Variants in RAB3IP observed in about 807,000 individuals in gnomAD.
RAB3IP encodes RAB3A interacting protein.
A neutral mutation model predicts 59.1 loss-of-function variants in RAB3IP; 36 were observed. The observed-to-expected ratio is 0.61, with a 90% confidence interval of 0.47 to 0.80. The LOEUF is 0.80. Among genes scored for constraint, RAB3IP ranks in the 30% least tolerant of loss-of-function variants. RAB3IP has a pLI of 0.00. For missense variants in RAB3IP, 511 were observed against 536.0 expected (o/e 0.95, Z 0.46); for synonymous variants, 207 against 191.2 (o/e 1.08, Z -0.68).
intron 1 of RAB3IP, among the ~76,000 whole-genome samples, chr12:69,740,942 A>G (rs1024550019): frequency 6.6e-6 from 1 of 152,240 alleles, no homozygotes; most frequent in East Asian, 1.9e-4. Flanking sequence ...AAAATTATTT[A>G]ATGTTCAGCT....
intron 1 of RAB3IP, among the ~76,000 whole-genome samples, chr12:69,755,077 G>T (rs1215430427): frequency 1.3e-5 from 2 of 151,918 alleles, no homozygotes; most frequent in Non-Finnish European, 2.9e-5. Flanking sequence ...GTGGTGTTTT[G>T]TTTTTGTTTT....
At chr12:69,754,225 G>C (rs1055943167) in intron 1 of RAB3IP, among the ~76,000 whole-genome samples, 2 of 152,028 alleles carry the variant, frequency 1.3e-5, no homozygotes, top group Non-Finnish European at 2.9e-5. Flanking sequence ...TTTGAATGGG[G>C]CCTGTTGATT....
intron 4 of RAB3IP, among the ~76,000 whole-genome samples, chr12:69,788,821 G>GA (rs2136215867): frequency 6.6e-6 from 1 of 152,142 alleles, no homozygotes; most frequent in South Asian, 2.1e-4. Context: ...ACAAGTCTCA[G>GA]ATTTAAGAAG....
intron 1 of RAB3IP, among the ~76,000 whole-genome samples, chr12:69,740,997 G>A (rs1017090416): frequency 6.6e-6 from 1 of 152,192 alleles, no homozygotes; most frequent in Admixed American, 6.5e-5. Context: ...CATTTAACCT[G>A]TTTGAGCTTA....
At chr12:69,764,798 T>C (rs1369466148) in intron 3 of RAB3IP, among the ~76,000 whole-genome samples, 2 of 151,966 alleles carry the variant, frequency 1.3e-5, no homozygotes, top group Admixed American at 1.3e-4. Context: ...TTTTAAAATT[T>C]CTTTGTGTTA....
chr12:69,773,041 A>G (rs1873405693), intron 3 of RAB3IP, among the ~76,000 whole-genome samples: 1 of 152,078 alleles, frequency 6.6e-6, no homozygotes, highest in Non-Finnish European at 1.5e-5. Flanking sequence ...TTCATTTCTG[A>G]AAGATGGCTT....
chr12:69,770,280 C>G (rs934506011), intron 3 of RAB3IP, among the ~76,000 whole-genome samples: 2 of 152,138 alleles, frequency 1.3e-5, no homozygotes, highest in South Asian at 4.1e-4. Flanking sequence ...TTCCAGTCCT[C>G]CAAATCCGCC....
At chr12:69,767,837 G>T (rs1292478754) in intron 3 of RAB3IP, among the ~76,000 whole-genome samples, 1 of 151,828 alleles carries the variant, frequency 6.6e-6, no homozygotes, top group Non-Finnish European at 1.5e-5. Context: ...GGCTCAGACT[G>T]CTGATTCAGG....
rs900116350 is a variant in RAB3IP, at chr12:69,819,388, C to T, written c.*3942C>T. Reference sequence around the variant, plus strand: ...GACAGAAATTCAGTGTTTGACAGATCAAGTGTGAGGTGCCCACTGAGCATC... The same window carrying T: ...GACAGAAATTCAGTGTTTGACAGATTAAGTGTGAGGTGCCCACTGAGCATC... On this transcript the variant is annotated 3_prime_UTR_variant, in exon 11 of 11. Coordinates refer to ENST00000247833, the MANE Select transcript of RAB3IP (RefSeq NM_022456.5). 2 of 152,170 alleles carry T rather than the reference C, an allele frequency of 1.3e-5. No individual in the cohort carries two copies. The highest frequency in any genetic ancestry group is 4.8e-5 in the African/African-American group (2 of 41,406). 9.4% of individuals were successfully genotyped at this position (152,170 alleles called of 1,614,324 possible).
chr12:69,744,313 AATT>A (rs1300615637), intron 1 of RAB3IP, among the ~76,000 whole-genome samples: 6 of 152,194 alleles, frequency 3.9e-5, no homozygotes, highest in East Asian at 1.9e-4. Flanking sequence ...TATTACAAAT[AATT>A]ATTTGTAATT....
chr12:69,785,058 G>A (rs1875401429), intron 4 of RAB3IP: 1 of 255,538 alleles, frequency 3.9e-6, no homozygotes, highest in African/African-American at 2.3e-5. Context: ...GCAAAGAAAG[G>A]AGGCAAATTT....
In RAB3IP at chr12:69,815,875, C is replaced by A. The variant is rs562909855; in HGVS notation, c.*429C>A. 364 of 153,010 alleles carry A rather than the reference C, an allele frequency of 2.4e-3. 1 individual carries two copies. Among genetic ancestry groups the A allele is most frequent in the Non-Finnish European group, 4.3e-3 (294 of 68,244 alleles). 9.5% of individuals were successfully genotyped at this position (153,010 alleles called of 1,614,324 possible). On this transcript the variant is annotated 3_prime_UTR_variant, in exon 11 of 11. Coordinates refer to ENST00000247833, the MANE Select transcript of RAB3IP (RefSeq NM_022456.5). ...GATAGTACTCACTTTCCAAGGCCCCCACCTCTAGAATGGCTTTATTTTTAT... is the reference window on the plus strand; with the variant it reads ...GATAGTACTCACTTTCCAAGGCCCCAACCTCTAGAATGGCTTTATTTTTAT...
At chr12:69,782,945 TA>T (rs1484004177) in intron 3 of RAB3IP, among the ~76,000 whole-genome samples, 1 of 152,236 alleles carries the variant, frequency 6.6e-6, no homozygotes, top group African/African-American at 2.4e-5. Flanking sequence ...TGGCTGGCTA[TA>T]AAATACTCAG....
intron 8 of RAB3IP, among the ~76,000 whole-genome samples, chr12:69,809,929 C>T (rs574147136): frequency 2.3e-4 from 35 of 152,310 alleles, no homozygotes; most frequent in South Asian, 1.7e-3. Context: ...AGCTTTGTTC[C>T]GTTGCTGGTG....
At chr12:69,761,176 T>A (rs1029276738) in intron 3 of RAB3IP, among the ~76,000 whole-genome samples, 1 of 152,232 alleles carries the variant, frequency 6.6e-6, no homozygotes, top group Non-Finnish European at 1.5e-5. Context: ...CTGAAATATC[T>A]AATCTGTTAA....
At chr12:69,779,718 T>G (rs2136191470) in intron 3 of RAB3IP, among the ~76,000 whole-genome samples, 1 of 152,220 alleles carries the variant, frequency 6.6e-6, no homozygotes, top group East Asian at 1.9e-4. Flanking sequence ...TCTCTTAAAT[T>G]TTTCTGATAA....
chr12:69,812,918 A>T, intron 9 of RAB3IP, 41 bp downstream of exon 9: 1 of 1,604,726 alleles, frequency 6.2e-7, no homozygotes, highest in South Asian at 1.1e-5. Flanking sequence ...GCTTGCTTTG[A>T]TATGGGACAT....
intron 4 of RAB3IP, among the ~76,000 whole-genome samples, chr12:69,789,052 A>G (rs1207795417): frequency 1.3e-5 from 2 of 152,050 alleles, no homozygotes; most frequent in Non-Finnish European, 2.9e-5. Flanking sequence ...AAGCAGTACT[A>G]AGAGGGATAA....
chr12:69,771,576 T>C (rs966449622), intron 3 of RAB3IP, among the ~76,000 whole-genome samples: 3 of 152,076 alleles, frequency 2.0e-5, no homozygotes, highest in Non-Finnish European at 4.4e-5. Flanking sequence ...GTTAATTCCA[T>C]GTCTTAGCTT....
Sources: gnomAD v4.1 joint callset for allele counts (sites outside exome capture counted in the v4.1 genomes callset) on GRCh38, gnomAD v4.1.1 for gene constraint, MANE v1.5 for transcripts, NCBI Gene and HGNC (gene_info 2026-07-23, HGNC 2026-07-21) for gene names.